PTPRN2: variants seen among roughly 807,000 people sequenced by gnomAD.
PTPRN2 encodes the protein receptor-type tyrosine-protein phosphatase N2.
PTPRN2 carries 74 observed loss-of-function variants against 118.8 expected under a neutral mutation model. That is an observed-to-expected ratio of 0.62 (90% confidence interval 0.52 to 0.76). The LOEUF is 0.76. PTPRN2 is among the 30% of genes least tolerant of loss of function. The pLI, the probability that PTPRN2 is intolerant of heterozygous loss-of-function variation, is 0.00. For missense variants in PTPRN2, 1,481 were observed against 1,394.4 expected, an observed-to-expected ratio of 1.06 and a Z score of -0.99; for synonymous variants, 641 against 608.0, an observed-to-expected ratio of 1.05 and a Z score of -0.80.
At chr7:157,686,557 G>A (rs1053843730) in intron 12 of PTPRN2, among the ~76,000 whole-genome samples, 2 of 152,188 alleles carry the variant, frequency 1.3e-5, no homozygotes, top group African/African-American at 4.8e-5. Context: ...CATGGGCACC[G>A]ACCCCCCAAG....
intron 2 of PTPRN2, among the ~76,000 whole-genome samples, chr7:158,485,005 G>A (rs571637117): frequency 5.3e-5 from 8 of 151,944 alleles, no homozygotes; most frequent in Admixed American, 2.0e-4. Flanking sequence ...CCTCCCAGCC[G>A]CTGTTGCTGT....
chr7:158,374,662 A>T (rs1810363076), intron 2 of PTPRN2, among the ~76,000 whole-genome samples: 1 of 152,242 alleles, frequency 6.6e-6, no homozygotes, highest in Non-Finnish European at 1.5e-5. Flanking sequence ...AACCGTCCAC[A>T]CACAGCAAGT....
chr7:157,639,518 G>T (rs11975438), intron 14 of PTPRN2, among the ~76,000 whole-genome samples: 29 of 152,224 alleles, frequency 1.9e-4, no homozygotes, highest in African/African-American at 6.8e-4. Flanking sequence ...CACGTAGAAT[G>T]CTGGACAAAT....
intron 12 of PTPRN2, among the ~76,000 whole-genome samples, chr7:157,720,178 G>C (rs1799152212): frequency 1.3e-5 from 2 of 152,228 alleles, no homozygotes; most frequent in South Asian, 4.1e-4. Context: ...CCCGGGGCCA[G>C]TCCAGATATC....
intron 12 of PTPRN2, among the ~76,000 whole-genome samples, chr7:157,700,737 C>T (rs1290645358): frequency 1.3e-5 from 2 of 152,152 alleles, no homozygotes; most frequent in Non-Finnish European, 2.9e-5. Context: ...TCTGATCAAC[C>T]AAGGACACAC....
intron 3 of PTPRN2, among the ~76,000 whole-genome samples, chr7:158,249,137 G>A (rs1460164387): frequency 4.7e-5 from 7 of 149,970 alleles, no homozygotes; most frequent in Admixed American, 2.7e-4. Context: ...CACACCACAC[G>A]TGAATCACAT....
chr7:158,007,386 C>T (rs934601648), intron 11 of PTPRN2, among the ~76,000 whole-genome samples: 3 of 152,006 alleles, frequency 2.0e-5, no homozygotes, highest in African/African-American at 7.3e-5. Flanking sequence ...CTTTGCTTCT[C>T]GTAAACCTCA....
rs372500118 is a variant in PTPRN2, at chr7:157,544,844, T to C, written c.2977-4059A>G. Among the ~76,000 whole-genome samples, 6 of 152,154 alleles carry C rather than the reference T, an allele frequency of 3.9e-5. No individual in the cohort carries two copies. In the East Asian group the frequency reaches 7.7e-4, roughly 20 times the overall value. On this transcript the variant is annotated intron_variant, in intron 22 of 22. Transcript: ENST00000389418. Reference sequence around the variant, plus strand: ...GCACACGGGAATGTGTGCGGGTGTGTGTGCGTGCATGCAGCTGTGTGTGGA... The same window carrying C: ...GCACACGGGAATGTGTGCGGGTGTGCGTGCGTGCATGCAGCTGTGTGTGGA...
intron 11 of PTPRN2, among the ~76,000 whole-genome samples, chr7:157,998,628 T>G (rs369190732): frequency 2.0e-5 from 3 of 151,980 alleles, no homozygotes; most frequent in African/African-American, 7.3e-5. Flanking sequence ...ATCGAGACCA[T>G]CCTGGCCAAC....
chr7:157,782,771 G>A (rs908860763), intron 12 of PTPRN2, among the ~76,000 whole-genome samples: 2 of 152,224 alleles, frequency 1.3e-5, no homozygotes, highest in African/African-American at 4.8e-5. Context: ...TTTGGAAAGA[G>A]GAATCAGAGG....
intron 5 of PTPRN2, among the ~76,000 whole-genome samples, chr7:158,182,111 C>A (rs908952178): frequency 2.1e-4 from 32 of 152,260 alleles, no homozygotes; most frequent in African/African-American, 7.5e-4. Context: ...TAACTTGTGT[C>A]ACTATTATCA....
intron 12 of PTPRN2, among the ~76,000 whole-genome samples, chr7:157,876,557 T>G (rs1030861837): frequency 1.3e-5 from 2 of 152,190 alleles, no homozygotes; most frequent in African/African-American, 4.8e-5. Flanking sequence ...TAGAAGACGT[T>G]TCTCCCAGGA....
chr7:158,116,049 A>C (rs974168779), intron 9 of PTPRN2, among the ~76,000 whole-genome samples: 4 of 152,118 alleles, frequency 2.6e-5, no homozygotes, highest in African/African-American at 9.7e-5. Context: ...TAAGGACCTC[A>C]CCCACGTGGG....
At chr7:157,885,282 G>A (rs1329001122) in intron 12 of PTPRN2, among the ~76,000 whole-genome samples, 1 of 152,214 alleles carries the variant, frequency 6.6e-6, no homozygotes, top group Non-Finnish European at 1.5e-5. Flanking sequence ...TGTCTCGGGA[G>A]CAAGGCTGCC....
At chr7:158,536,524 GA>G (rs1825654512) in intron 1 of PTPRN2, among the ~76,000 whole-genome samples, 1 of 150,862 alleles carries the variant, frequency 6.6e-6, no homozygotes, top group Non-Finnish European at 1.5e-5. Flanking sequence ...CCATCAACAA[GA>G]CGGGACTCAG....
At chr7:158,084,950 CCCA>C (rs1813172498) in intron 10 of PTPRN2, among the ~76,000 whole-genome samples, 1 of 139,002 alleles carries the variant, frequency 7.2e-6, no homozygotes, top group Non-Finnish European at 1.5e-5. Flanking sequence ...CCCATCCACA[CCCA>C]CGACGCCCAT....
intron 9 of PTPRN2, among the ~76,000 whole-genome samples, chr7:158,114,049 G>A (rs1338744326): frequency 3.3e-5 from 5 of 152,332 alleles, no homozygotes; most frequent in East Asian, 3.9e-4. Context: ...CTGGAGCCCA[G>A]GACAGTGTAT....
intron 11 of PTPRN2, among the ~76,000 whole-genome samples, chr7:157,912,176 T>C (rs547589035): frequency 4.3e-4 from 66 of 152,366 alleles, no homozygotes; most frequent in Admixed American, 7.8e-4. Context: ...TTCCTAGTGC[T>C]CCGTGTGCTC....
intron 2 of PTPRN2, among the ~76,000 whole-genome samples, chr7:158,476,144 A>C (rs756232767): frequency 7.2e-5 from 11 of 152,150 alleles, no homozygotes; most frequent in Non-Finnish European, 1.6e-4. Flanking sequence ...AGCTGAGACC[A>C]CAGGCACATG....
Sources: gnomAD v4.1 joint callset for allele counts (sites outside exome capture counted in the v4.1 genomes callset) on GRCh38, gnomAD v4.1.1 for gene constraint, MANE v1.5 for transcripts, NCBI Gene and HGNC (gene_info 2026-07-23, HGNC 2026-07-21) for gene names.